EYS: variants seen among roughly 807,000 people sequenced by gnomAD.
The protein encoded by EYS is EGF-like photoreceptor maintenance factor.
A neutral mutation model predicts 282.1 loss-of-function variants in EYS; 250 were observed. That is an observed-to-expected ratio of 0.89 (90% confidence interval 0.80 to 0.98). The LOEUF is 0.98. Among genes scored for constraint, EYS ranks in the 50% least tolerant of loss-of-function variants. The probability of loss-of-function intolerance (pLI) is 0.00; values close to 1 mark genes in which losing one functional copy is unlikely to be tolerated. For missense variants in EYS, 4,016 were observed against 3,709.0 expected (o/e 1.08, Z -2.15); for synonymous variants, 1,355 against 1,282.9 (o/e 1.06, Z -1.20).
At chr6:64,030,378 T>C (rs568311459) in intron 33 of EYS, among the ~76,000 whole-genome samples, 3 of 152,334 alleles carry the variant, frequency 2.0e-5, no homozygotes, top group African/African-American at 4.8e-5. Flanking sequence ...TCGACCCATA[T>C]CTGCCTCTCA....
At chr6:65,633,216 C>T (rs543624328) in intron 2 of EYS, among the ~76,000 whole-genome samples, 1 of 152,222 alleles carries the variant, frequency 6.6e-6, no homozygotes, top group South Asian at 2.1e-4. Context: ...TCTAGTAATT[C>T]ACATCTGAGT....
At chr6:65,122,506 G>C (rs973952960) in intron 12 of EYS, among the ~76,000 whole-genome samples, 1 of 152,002 alleles carries the variant, frequency 6.6e-6, no homozygotes, top group Non-Finnish European at 1.5e-5. Context: ...TCTTATCTCA[G>C]CAAAACAAGT....
chr6:64,366,514 C>T (rs989753997), intron 29 of EYS, among the ~76,000 whole-genome samples: 2 of 151,974 alleles, frequency 1.3e-5, no homozygotes, highest in Non-Finnish European at 2.9e-5. Flanking sequence ...ATGCCATTTG[C>T]AAACAATTTA....
At chr6:65,186,452 T>A (rs1415333120) in intron 12 of EYS, among the ~76,000 whole-genome samples, 1 of 151,760 alleles carries the variant, frequency 6.6e-6, no homozygotes, top group Non-Finnish European at 1.5e-5. Flanking sequence ...GGTTTTAAAC[T>A]ACTCCTGGGT....
chr6:65,613,531 C>G (rs1388433528), intron 2 of EYS, among the ~76,000 whole-genome samples: 1 of 151,792 alleles, frequency 6.6e-6, no homozygotes, highest in African/African-American at 2.4e-5. Context: ...CTGAAATATT[C>G]TGTGTGTGAG....
intron 30 of EYS, among the ~76,000 whole-genome samples, chr6:64,296,927 T>C (rs945688682): frequency 2.6e-5 from 4 of 152,122 alleles, no homozygotes; most frequent in Non-Finnish European, 5.9e-5. Context: ...GATGTAACTA[T>C]TTTGAAATAG....
chr6:64,472,441 G>C (rs1275442966), intron 26 of EYS, among the ~76,000 whole-genome samples: 3 of 152,150 alleles, frequency 2.0e-5, no homozygotes, highest in Non-Finnish European at 4.4e-5. Flanking sequence ...TTGGTTAATA[G>C]ATTTGGGGTG....
At chr6:65,471,761 A>G (rs1765226724) in intron 5 of EYS, among the ~76,000 whole-genome samples, 1 of 152,138 alleles carries the variant, frequency 6.6e-6, no homozygotes, top group Admixed American at 6.6e-5. Flanking sequence ...AAATCATGTG[A>G]TTATGTAAAT....
chr6:64,510,746 A>G (rs540225819), intron 26 of EYS, among the ~76,000 whole-genome samples: 197 of 152,282 alleles, frequency 1.3e-3, no homozygotes, highest in Middle Eastern at 0.01. Context: ...CAGATTTTCA[A>G]TTTTTCCTTA....
At chr6:65,017,459 C>T (rs1486394150) in intron 13 of EYS, among the ~76,000 whole-genome samples, 1 of 152,086 alleles carries the variant, frequency 6.6e-6, no homozygotes, top group Non-Finnish European at 1.5e-5. Flanking sequence ...TCTTTCTTGA[C>T]CTCATTAAAT....
At chr6:63,898,673 A>G (rs376248190) in intron 35 of EYS, among the ~76,000 whole-genome samples, 21 of 152,194 alleles carry the variant, frequency 1.4e-4, no homozygotes, top group East Asian at 7.7e-4. Context: ...ATCACACACA[A>G]CTTTCATCAA....
chr6:64,485,905 A>G (rs1319507834), intron 26 of EYS, among the ~76,000 whole-genome samples: 2 of 151,504 alleles, frequency 1.3e-5, no homozygotes, highest in East Asian at 1.9e-4. Flanking sequence ...ATATTTCTAT[A>G]TTATGATTAT....
intron 31 of EYS, among the ~76,000 whole-genome samples, chr6:64,101,882 G>A (rs1772841176): frequency 6.6e-6 from 1 of 151,956 alleles, no homozygotes; most frequent in Non-Finnish European, 1.5e-5. Context: ...TGGGGGTGAT[G>A]TATTAGATTC....
intron 30 of EYS, among the ~76,000 whole-genome samples, chr6:64,279,637 T>G (rs139795737): frequency 6.6e-6 from 1 of 152,134 alleles, no homozygotes; most frequent in African/African-American, 2.4e-5. Flanking sequence ...GAGGAATGGA[T>G]AGTTTATTTT....
At chr6:63,746,442 A>G (rs1348493984) in intron 41 of EYS, among the ~76,000 whole-genome samples, 1 of 152,186 alleles carries the variant, frequency 6.6e-6, no homozygotes, top group South Asian at 2.1e-4. Flanking sequence ...GGCCTCATAA[A>G]ATGAGTTACA....
At chr6:64,301,222 G>C (rs922028818) in intron 30 of EYS, among the ~76,000 whole-genome samples, 5 of 152,198 alleles carry the variant, frequency 3.3e-5, no homozygotes, top group African/African-American at 9.7e-5. Context: ...GAATTTACTA[G>C]GCGATATTAA....
In EYS at chr6:64,545,837, G is replaced by C. The variant is rs146032963; in HGVS notation, c.5644+44386C>G. Among the ~76,000 whole-genome samples the C allele has an allele frequency of 2.7e-3, 417 of 152,172 alleles. 7 individuals carry two copies. The East Asian group carries it at 0.038, about 14-fold the overall frequency. On this transcript the variant is annotated intron_variant, in intron 26 of 42. Coordinates refer to ENST00000503581, the MANE Select transcript of EYS (RefSeq NM_001142800.2). ...AAGGGACGTGAAGGACCTCTTCAAG[G>C]AGAACTATAAACCACTGCTCAATGA... is the stretch of plus-strand genomic sequence containing the variant.
intron 36 of EYS, among the ~76,000 whole-genome samples, chr6:63,849,760 G>T (rs905842087): frequency 6.6e-6 from 1 of 152,148 alleles, no homozygotes; most frequent in Non-Finnish European, 1.5e-5. Flanking sequence ...AAACCAGAAT[G>T]CCTCTTCTCC....
intron 5 of EYS, among the ~76,000 whole-genome samples, chr6:65,455,062 G>C (rs981830709): frequency 5.9e-5 from 9 of 151,996 alleles, no homozygotes; most frequent in African/African-American, 2.2e-4. Flanking sequence ...TTTTGATAGA[G>C]ATTGTAATAA....
Sources: allele counts gnomAD v4.1 joint callset (sites outside exome capture counted in the v4.1 genomes callset), GRCh38; gene constraint gnomAD v4.1.1; transcripts MANE v1.5; gene names NCBI Gene and HGNC (gene_info 2026-07-23, HGNC 2026-07-21).